The following FBXL7 variants were observed in gnomAD, a reference collection of about 807,000 sequenced individuals.
FBXL7 encodes the protein F-box/LRR-repeat protein 7.
FBXL7 carries 12 observed loss-of-function variants against 38.3 expected under a neutral mutation model. That is an observed-to-expected ratio of 0.31 (90% confidence interval 0.20 to 0.51). The LOEUF (loss-of-function observed/expected upper bound fraction) is 0.51, where lower values mean the gene tolerates loss of function less well. Among genes scored for constraint, FBXL7 ranks in the 20% least tolerant of loss-of-function variants. FBXL7 has a pLI of 0.98. For missense variants in FBXL7, 567 were observed against 676.4 expected, an observed-to-expected ratio of 0.84 and a Z score of 1.79; for synonymous variants, 297 against 300.9, an observed-to-expected ratio of 0.99 and a Z score of 0.13.
chr5:15,559,519 C>T lies in FBXL7; in HGVS notation c.38-56464C>T, dbSNP rs996486106. The stretch of plus-strand genomic sequence containing the variant: ...ATCAGAGAACCGACGTGACTTGCCC[C>T]GAGTATTATTCTCTAAAAACGATCC... On this transcript the variant is annotated intron_variant, in intron 1 of 3. Coordinates refer to ENST00000504595, the MANE Select transcript of FBXL7 (RefSeq NM_012304.5). 3.9e-5 allele frequency among the ~76,000 whole-genome samples: 6 copies of T among 152,048 alleles called. No homozygotes were observed. The East Asian group carries it at 1.2e-3, about 29-fold the overall frequency.
At chr5:15,624,800 A>C (rs1740756856) in intron 2 of FBXL7, among the ~76,000 whole-genome samples, 1 of 151,672 alleles carries the variant, frequency 6.6e-6, no homozygotes, top group Non-Finnish European at 1.5e-5. Context: ...AAAATCAGTC[A>C]GATTTGCTTC....
intron 1 of FBXL7, among the ~76,000 whole-genome samples, chr5:15,613,522 C>G (rs573468987): frequency 1.3e-5 from 2 of 152,236 alleles, no homozygotes; most frequent in East Asian, 3.9e-4. Context: ...AAGGGAATAA[C>G]AGATTTGTTC....
At chr5:15,848,590 C>A (rs1002837354) in intron 2 of FBXL7, among the ~76,000 whole-genome samples, 1 of 152,186 alleles carries the variant, frequency 6.6e-6, no homozygotes, top group Non-Finnish European at 1.5e-5. Flanking sequence ...CCACGTTAGC[C>A]AGGCTAGTCT....
chr5:15,713,987 A>G (rs1023678241), intron 2 of FBXL7, among the ~76,000 whole-genome samples: 3 of 152,206 alleles, frequency 2.0e-5, no homozygotes, highest in Non-Finnish European at 2.9e-5. Context: ...CTCTGTCCTA[A>G]TTCCTAGAAT....
chr5:15,511,996 C>G (rs1378910831), intron 1 of FBXL7, among the ~76,000 whole-genome samples: 1 of 152,216 alleles, frequency 6.6e-6, no homozygotes, highest in Non-Finnish European at 1.5e-5. Context: ...AACAACTCAG[C>G]AGGGGCTCCC....
At chr5:15,891,150 C>T (rs1740887603) in intron 2 of FBXL7, among the ~76,000 whole-genome samples, 1 of 152,146 alleles carries the variant, frequency 6.6e-6, no homozygotes, top group Admixed American at 6.5e-5. Flanking sequence ...CCAGTGAAAC[C>T]ATTTAATTCA....
chr5:15,786,485 G>T (rs1054150992), intron 2 of FBXL7, among the ~76,000 whole-genome samples: 4 of 152,124 alleles, frequency 2.6e-5, no homozygotes, highest in African/African-American at 9.7e-5. Context: ...TGTCCTGAGA[G>T]TATTCAAAAC....
chr5:15,575,596 G>C (rs978719551), intron 1 of FBXL7, among the ~76,000 whole-genome samples: 1 of 152,200 alleles, frequency 6.6e-6, no homozygotes, highest in Non-Finnish European at 1.5e-5. Context: ...GATAATAAGT[G>C]AGTGTTCCTT....
chr5:15,744,962 C>T (rs1161892241), intron 2 of FBXL7, among the ~76,000 whole-genome samples: 1 of 152,022 alleles, frequency 6.6e-6, no homozygotes, highest in Admixed American at 6.5e-5. Flanking sequence ...GTAACTGCCC[C>T]CATGATTCAA....
rs77735247 is a variant in FBXL7 at position 15,709,590 on chromosome 5, A to G, written c.127+93518A>G. Reference sequence around the variant, plus strand: ...TGTTTGCCCACCTTCAAATACAGACAGAATCAGGCCACTTTTTATTGTCTG... The same window carrying G: ...TGTTTGCCCACCTTCAAATACAGACGGAATCAGGCCACTTTTTATTGTCTG... On this transcript the variant is annotated intron_variant, in intron 2 of 3. Transcript: ENST00000504595. 7.2e-3 allele frequency among the ~76,000 whole-genome samples: 997 copies of G among 138,040 alleles called. 11 individuals carry two copies. The highest frequency in any genetic ancestry group is 0.025 in the African/African-American group (946 of 37,708). The allele number at this position is 138,040 out of a possible 152,430, so 90.6% of individuals were successfully genotyped here. A position where few individuals can be genotyped will look rare whatever the true frequency, so the allele number is the denominator to read the frequency against.
rs142704418 is a variant in FBXL7 at position 15,936,886 on chromosome 5, C to T, written c.1176C>T (p.His392=). 2.4e-4 allele frequency: 387 copies of T among 1,614,012 alleles called. 4 individuals are homozygous for T. The East Asian group carries it at 7.9e-3, about 33-fold the overall frequency. The change falls in exon 4 of 4, where the codon CAC becomes CAT. Residue 392 remains histidine (H), a synonymous_variant. Transcript: ENST00000504595. The surrounding 1 kb of genome is among the most constrained non-coding windows in gnomAD (Gnocchi z 6.0). ...GGGGCTGCGAGGGCATCACGGACCA[C>T]GGTGTGGAGTACCTCGCCAAGAACT... ...NARGCEGITD[H]GVEYLAKNCT...
intron 1 of FBXL7, among the ~76,000 whole-genome samples, chr5:15,604,570 A>C (rs568791399): frequency 1.4e-3 from 208 of 152,066 alleles, no homozygotes; most frequent in Non-Finnish European, 1.0e-3. Flanking sequence ...GGTCAGGCTG[A>C]TCTCAAACTC....
intron 2 of FBXL7, among the ~76,000 whole-genome samples, chr5:15,744,263 C>T (rs73070581): frequency 0.012 from 1,861 of 152,284 alleles, 42 homozygotes; most frequent in African/African-American, 0.042. Flanking sequence ...TTCTTGAACA[C>T]GTTGCCACTT....
chr5:15,771,268 T>C (rs983609455), intron 2 of FBXL7, among the ~76,000 whole-genome samples: 9 of 152,202 alleles, frequency 5.9e-5, no homozygotes, highest in Admixed American at 2.6e-4. Context: ...ACACTTTCAC[T>C]CTTCACTTCT....
intron 2 of FBXL7, among the ~76,000 whole-genome samples, chr5:15,678,398 C>T (rs949876160): frequency 6.6e-5 from 10 of 152,116 alleles, no homozygotes; most frequent in Admixed American, 3.3e-4. Context: ...TCTTAAATTG[C>T]TTACCGGTGT....
intron 2 of FBXL7, among the ~76,000 whole-genome samples, chr5:15,640,872 A>G (rs940150619): frequency 1.9e-4 from 29 of 152,134 alleles, no homozygotes; most frequent in Non-Finnish European, 4.0e-4. Context: ...TTCAATCCAT[A>G]AAAGAGCCTT....
chr5:15,680,163 G>A (rs1389762754), intron 2 of FBXL7, among the ~76,000 whole-genome samples: 1 of 152,078 alleles, frequency 6.6e-6, no homozygotes, highest in Non-Finnish European at 1.5e-5. Context: ...ACCTTACATG[G>A]TGTTTTCATG....
intron 2 of FBXL7, among the ~76,000 whole-genome samples, chr5:15,697,819 C>CT (rs1366336133): frequency 6.6e-6 from 1 of 152,192 alleles, no homozygotes; most frequent in Non-Finnish European, 1.5e-5. Context: ...TGACTTTCAA[C>CT]TTTAATGCCA....
intron 2 of FBXL7, among the ~76,000 whole-genome samples, chr5:15,818,696 A>G (rs559883206): frequency 7.7e-6 from 1 of 130,438 alleles, no homozygotes; most frequent in Non-Finnish European, 1.6e-5. Flanking sequence ...TGAATGTCCC[A>G]TTATTTCGTG....
Sources: gnomAD v4.1 joint callset for allele counts (sites outside exome capture counted in the v4.1 genomes callset) on GRCh38, gnomAD v4.1.1 for gene constraint, Gnocchi (gnomAD v3.1) non-coding constraint, MANE v1.5 for transcripts, NCBI Gene and HGNC (gene_info 2026-07-23, HGNC 2026-07-21) for gene names.